The following BCL2 variants were observed in gnomAD, a reference collection of about 807,000 sequenced individuals.
BCL2 encodes BCL2 apoptosis regulator, also known as apoptosis regulator Bcl-2.
A neutral mutation model predicts 14.2 loss-of-function variants in BCL2; 1 was observed. The ratio of observed to expected loss-of-function variants is 0.07; its 90% CI spans 0.02 to 0.33. The LOEUF is 0.33. BCL2 is among the 10% of genes least tolerant of loss of function. BCL2 has a pLI of 0.99. For missense variants in BCL2, 247 were observed against 305.9 expected (o/e 0.81, Z 1.44); for synonymous variants, 151 against 137.2 (o/e 1.10, Z -0.70).
intron 2 of BCL2, among the ~76,000 whole-genome samples, chr18:63,169,642 T>G (rs1168123066): frequency 6.6e-6 from 1 of 151,512 alleles, no homozygotes; most frequent in Admixed American, 6.6e-5. Flanking sequence ...CCTGCTCTAG[T>G]CACCCGAGTA....
intron 2 of BCL2, among the ~76,000 whole-genome samples, chr18:63,312,399 T>C (rs927886502): frequency 4.6e-5 from 7 of 152,270 alleles, no homozygotes; most frequent in Admixed American, 3.3e-4. Flanking sequence ...GTCTGGCAAA[T>C]GGAGGGCAGA....
intron 2 of BCL2, among the ~76,000 whole-genome samples, chr18:63,162,100 A>C (rs550153991): frequency 6.6e-6 from 1 of 152,306 alleles, no homozygotes; most frequent in African/African-American, 2.4e-5. Flanking sequence ...CCCGCTCCGC[A>C]CTCAAATCTG....
intron 2 of BCL2, among the ~76,000 whole-genome samples, chr18:63,163,687 T>C (rs572997132): frequency 6.6e-6 from 1 of 152,364 alleles, no homozygotes; most frequent in African/African-American, 2.4e-5. Context: ...GTCATTTATA[T>C]AGCACTGTGT....
intron 2 of BCL2, among the ~76,000 whole-genome samples, chr18:63,263,229 A>C (rs1225972789): frequency 2.0e-5 from 3 of 152,188 alleles, no homozygotes; most frequent in African/African-American, 7.2e-5. Flanking sequence ...AAAGCTACAG[A>C]ATATTCTAGT....
chr18:63,178,408 G>A (rs1332169750), intron 2 of BCL2, among the ~76,000 whole-genome samples: 1 of 152,170 alleles, frequency 6.6e-6, no homozygotes, highest in Non-Finnish European at 1.5e-5. Flanking sequence ...TGCGCAAGGC[G>A]GATACAAACG....
intron 2 of BCL2, among the ~76,000 whole-genome samples, chr18:63,223,976 C>A (rs1220736259): frequency 6.6e-6 from 1 of 151,394 alleles, no homozygotes; most frequent in Non-Finnish European, 1.5e-5. Flanking sequence ...CCAGGAGAGG[C>A]AAAGACAATT....
intron 2 of BCL2, among the ~76,000 whole-genome samples, chr18:63,152,685 T>C (rs1914678882): frequency 6.6e-6 from 1 of 152,180 alleles, no homozygotes; most frequent in Non-Finnish European, 1.5e-5. Context: ...GGCAAAACAA[T>C]AGCTTATCAT....
rs552294423 is a variant in BCL2 at position 63,138,019 on chromosome 18, C to T, written c.586-9260G>A. 7.9e-5 allele frequency among the ~76,000 whole-genome samples: 12 copies of T among 152,234 alleles called. No homozygotes were observed. The South Asian group carries it at 2.1e-3, about 26-fold the overall frequency. Reference sequence around the variant, plus strand: ...TTGGCAATACTATCTGTGACTACTGCGGCCACACAGAATCTATGACATGCA... The same window carrying T: ...TTGGCAATACTATCTGTGACTACTGTGGCCACACAGAATCTATGACATGCA... On this transcript the variant is annotated intron_variant, in intron 2 of 2. Transcript: ENST00000333681.
intron 2 of BCL2, chr18:63,315,630 G>A (rs555731823): frequency 6.6e-6 from 1 of 152,314 alleles, no homozygotes; most frequent in African/African-American, 2.4e-5. Context: ...AAATATGCTA[G>A]CTCTCTTCTG....
rs536203830 is a variant in BCL2, at chr18:63,266,543, T to C, written c.585+51539A>G. 1.4e-4 allele frequency among the ~76,000 whole-genome samples: 21 copies of C among 151,288 alleles called. No individual in the cohort carries two copies. In the South Asian group the frequency reaches 4.1e-3, roughly 30 times the overall value. On this transcript the variant is annotated intron_variant, in intron 2 of 2. Coordinates refer to ENST00000333681, the MANE Select transcript of BCL2 (RefSeq NM_000633.3). ...TTGTCTATTCAAAAAATAAATTGTA[T>C]ATATAATTTATTATATATTAAATAT...
rs554444510 is a variant in BCL2 at position 63,172,730 on chromosome 18, G to A, written c.586-43971C>T. Among the ~76,000 whole-genome samples, 12 of 152,224 alleles carry A rather than the reference G, an allele frequency of 7.9e-5. No individual in the cohort carries two copies. In the East Asian group the frequency reaches 1.9e-3, roughly 24 times the overall value. On this transcript the variant is annotated intron_variant, in intron 2 of 2. Transcript: ENST00000333681. ...TGGGAGGTGGAGCTGGCAGTGAGCC[G>A]AGATCGTGCCACTGCACTCCAGCCT...
rs1179129337 is a variant in BCL2, at chr18:63,208,711, A to G, written c.586-79952T>C. ...TAACTATCGGGCTAAGGAAAGCTGCATTGTTCCTAACAACTGGGCACCAGT... is the reference window on the plus strand; with the variant it reads ...TAACTATCGGGCTAAGGAAAGCTGCGTTGTTCCTAACAACTGGGCACCAGT... On this transcript the variant is annotated intron_variant, in intron 2 of 2. Transcript: ENST00000333681. Among the ~76,000 whole-genome samples, 4 of 152,304 alleles carry G rather than the reference A, an allele frequency of 2.6e-5. No individual in the cohort carries two copies. In the East Asian group the frequency reaches 7.7e-4, roughly 29 times the overall value.
intron 2 of BCL2, among the ~76,000 whole-genome samples, chr18:63,145,328 AAAG>A (rs1256072768): frequency 6.6e-6 from 1 of 152,022 alleles, no homozygotes; most frequent in Non-Finnish European, 1.5e-5. Flanking sequence ...ATAAGCCCTC[AAAG>A]AAGAGACCCA....
intron 2 of BCL2, among the ~76,000 whole-genome samples, chr18:63,151,793 C>T (rs1235385356): frequency 6.6e-6 from 1 of 152,154 alleles, no homozygotes; most frequent in Non-Finnish European, 1.5e-5. Flanking sequence ...TATAAATGCT[C>T]AAACACAAGC....
At chr18:63,213,777 G>C (rs994372931) in intron 2 of BCL2, among the ~76,000 whole-genome samples, 1 of 152,030 alleles carries the variant, frequency 6.6e-6, no homozygotes. Context: ...CCCTTTGCTT[G>C]GTGAGACCCT....
At chr18:63,274,397 G>A (rs1438488119) in intron 2 of BCL2, among the ~76,000 whole-genome samples, 1 of 144,698 alleles carries the variant, frequency 6.9e-6, no homozygotes, top group Admixed American at 7.5e-5. Flanking sequence ...ATTCTCCTGT[G>A]CCTCAGCCTC....
chr18:63,189,682 C>T (rs993388006), intron 2 of BCL2, among the ~76,000 whole-genome samples: 13 of 151,648 alleles, frequency 8.6e-5, no homozygotes, highest in African/African-American at 3.1e-4. Flanking sequence ...CCTGGGAAAA[C>T]GAGAACTGGT....
chr18:63,267,540 TAAG>T (rs1911867794), intron 2 of BCL2, among the ~76,000 whole-genome samples: 1 of 152,108 alleles, frequency 6.6e-6, no homozygotes, highest in Non-Finnish European at 1.5e-5. Context: ...CTCACTGAGA[TAAG>T]AAGATCAAGC....
At chr18:63,263,057 T>C (rs1437996407) in intron 2 of BCL2, among the ~76,000 whole-genome samples, 3 of 152,188 alleles carry the variant, frequency 2.0e-5, no homozygotes, top group African/African-American at 7.2e-5. Flanking sequence ...AACTGAAGAC[T>C]TTCACAGAGG....
Sources: allele counts gnomAD v4.1 joint callset (sites outside exome capture counted in the v4.1 genomes callset), GRCh38; gene constraint gnomAD v4.1.1; transcripts MANE v1.5; gene names NCBI Gene and HGNC (gene_info 2026-07-23, HGNC 2026-07-21).